WDR64: variants seen among roughly 807,000 people sequenced by gnomAD.
The protein encoded by WDR64 is WD repeat domain 64, also known as WD repeat-containing protein 64.
WDR64 carries 112 observed loss-of-function variants against 139.3 expected under a neutral mutation model. The ratio of observed to expected loss-of-function variants is 0.80; its 90% confidence interval spans 0.69 to 0.94. WDR64 has a LOEUF of 0.94. Among genes scored for constraint, WDR64 ranks in the 40% least tolerant of loss-of-function variants. The pLI, the probability that WDR64 is intolerant of heterozygous loss-of-function variation, is 0.00. For synonymous variants in WDR64, 444 were observed against 437.7 expected (o/e 1.01, Z -0.18); for missense variants, 1,206 against 1,293.1 (o/e 0.93, Z 1.03).
intron 8 of WDR64, among the ~76,000 whole-genome samples, chr1:241,689,589 G>A (rs955684594): frequency 2.0e-5 from 3 of 152,130 alleles, no homozygotes; most frequent in African/African-American, 7.2e-5. Flanking sequence ...CAAAATTAAT[G>A]AGGCAAAAAC....
intron 10 of WDR64, among the ~76,000 whole-genome samples, chr1:241,734,946 C>T (rs1307937099): frequency 6.6e-6 from 1 of 152,148 alleles, no homozygotes; most frequent in South Asian, 2.1e-4. Context: ...TCAGAACATA[C>T]CCCTGTCCTT....
chr1:241,685,138 A>C (rs7413402), intron 7 of WDR64, among the ~76,000 whole-genome samples: 40,666 of 150,338 alleles, frequency 0.27, 6,432 homozygotes, highest in East Asian at 0.6. Context: ...ATTTACATAA[A>C]TAATTCAGAT....
At chr1:241,699,103 A>C (rs573994483) in intron 8 of WDR64, among the ~76,000 whole-genome samples, 1 of 152,290 alleles carries the variant, frequency 6.6e-6, no homozygotes, top group East Asian at 1.9e-4. Context: ...TATCTCCCAC[A>C]GGGTCCCTCC....
chr1:241,772,480 T>TG (rs1658496954), intron 19 of WDR64, among the ~76,000 whole-genome samples: 5 of 84,058 alleles, frequency 5.9e-5, no homozygotes, highest in Non-Finnish European at 9.0e-5. Flanking sequence ...TTTTTTTTTT[T>TG]GAGACAGAGT....
chr1:241,710,646 CT>C (rs1668123803), intron 8 of WDR64, among the ~76,000 whole-genome samples: 1 of 152,088 alleles, frequency 6.6e-6, no homozygotes, highest in Non-Finnish European at 1.5e-5. Flanking sequence ...CATCTTTGGC[CT>C]GTGCAAAAGC....
intron 8 of WDR64, among the ~76,000 whole-genome samples, chr1:241,707,905 A>G (rs1668014633): frequency 6.6e-6 from 1 of 152,254 alleles, no homozygotes; most frequent in Admixed American, 6.5e-5. Context: ...GCAACAGAAC[A>G]CAGCCAGAAT....
intron 24 of WDR64, among the ~76,000 whole-genome samples, chr1:241,790,072 C>T (rs752318109): frequency 7.2e-5 from 11 of 152,084 alleles, no homozygotes; most frequent in Non-Finnish European, 1.0e-4. Context: ...ATGAAATGGC[C>T]GGTCATGGTG....
chr1:241,799,555 GCAA>G (rs928902263), intron 27 of WDR64, among the ~76,000 whole-genome samples: 24 of 151,994 alleles, frequency 1.6e-4, no homozygotes, highest in African/African-American at 5.1e-4. Flanking sequence ...TTTCATCTTT[GCAA>G]CAACACTTTG....
chr1:241,680,739 A>G (rs2148102809), intron 6 of WDR64, among the ~76,000 whole-genome samples: 1 of 152,282 alleles, frequency 6.6e-6, no homozygotes, highest in African/African-American at 2.4e-5. Flanking sequence ...GCACTGCTGA[A>G]AAAAACTAAA....
At chr1:241,732,140 G>A (rs767518556) in intron 10 of WDR64, among the ~76,000 whole-genome samples, 20 of 152,078 alleles carry the variant, frequency 1.3e-4, no homozygotes, top group Non-Finnish European at 2.1e-4. Context: ...AGAAAGGCAG[G>A]CCAAATTCTG....
intron 22 of WDR64, 104 bp downstream of exon 22, chr1:241,780,166 T>G: frequency 1.0e-6 from 1 of 970,554 alleles, no homozygotes; most frequent in South Asian, 1.6e-5. Context: ...GACTCTCTGT[T>G]GTCAAGGCAC....
intron 14 of WDR64, among the ~76,000 whole-genome samples, chr1:241,756,577 C>A (rs772303205): frequency 3.3e-5 from 5 of 151,876 alleles, no homozygotes; most frequent in Non-Finnish European, 4.4e-5. Flanking sequence ...ATTCATCGGG[C>A]AAAACAACTA....
intron 23 of WDR64, 31 bp downstream of exon 23, chr1:241,783,412 C>A: frequency 6.6e-7 from 1 of 1,521,322 alleles, no homozygotes; most frequent in Non-Finnish European, 9.1e-7. Context: ...ACTGTGAATT[C>A]AGTACTGTGA....
At chr1:241,749,164 AC>A (rs1449851927) in intron 13 of WDR64, among the ~76,000 whole-genome samples, 2 of 152,166 alleles carry the variant, frequency 1.3e-5, no homozygotes, top group Non-Finnish European at 2.9e-5. Flanking sequence ...ATGATCTTTC[AC>A]TGTGAATAAT....
chr1:241,779,478 G>A (rs1658771896), intron 21 of WDR64, among the ~76,000 whole-genome samples: 1 of 152,118 alleles, frequency 6.6e-6, no homozygotes, highest in African/African-American at 2.4e-5. Context: ...CTAAGTGGGT[G>A]AAGCAATCTC....
At chr1:241,788,474 T>C (rs937086167) in intron 24 of WDR64, among the ~76,000 whole-genome samples, 2 of 152,158 alleles carry the variant, frequency 1.3e-5, no homozygotes, top group Admixed American at 1.3e-4. Flanking sequence ...ATGGTGAATG[T>C]CAAAATGTCC....
intron 6 of WDR64, among the ~76,000 whole-genome samples, chr1:241,682,735 C>T (rs1358931691): frequency 2.6e-5 from 4 of 152,178 alleles, no homozygotes; most frequent in African/African-American, 7.2e-5. Context: ...AATTCAGGTC[C>T]CAGATCAAAT....
At chr1:241,750,848 AAAAT>A (rs1382996544) in intron 14 of WDR64, among the ~76,000 whole-genome samples, 11 of 152,234 alleles carry the variant, frequency 7.2e-5, no homozygotes, top group African/African-American at 2.7e-4. Flanking sequence ...AATAATTTTA[AAAAT>A]AAATAGAGAA....
At chr1:241,672,919 A>T (rs1345890661) in intron 3 of WDR64, among the ~76,000 whole-genome samples, 1 of 152,144 alleles carries the variant, frequency 6.6e-6, no homozygotes, top group Non-Finnish European at 1.5e-5. Flanking sequence ...AGACTTCTGA[A>T]TGAGGCACAA....
Sources: allele counts gnomAD v4.1 joint callset (sites outside exome capture counted in the v4.1 genomes callset), GRCh38; gene constraint gnomAD v4.1.1; transcripts MANE v1.5; gene names NCBI Gene and HGNC (gene_info 2026-07-23, HGNC 2026-07-21).